NT5DC3: variants seen among roughly 807,000 people sequenced by gnomAD.
NT5DC3 encodes 5'-nucleotidase domain-containing protein 3.
In NT5DC3, 42 loss-of-function variants were observed where a neutral mutation model predicts 67.8. The ratio of observed to expected loss-of-function variants is 0.62; its 90% CI spans 0.48 to 0.80. The LOEUF is 0.80. Ranked by LOEUF, NT5DC3 falls within the 30% of genes least tolerant of loss-of-function variation. The pLI is 0.00. For missense variants in NT5DC3, 570 were observed against 696.4 expected (o/e 0.82, Z 2.04); for synonymous variants, 237 against 255.6 (o/e 0.93, Z 0.69).
At chr12:103,757,012 T>A in the NT5DC3 span, among the ~76,000 whole-genome samples, 74,808 of 140,562 alleles carry the variant, frequency 0.53, 20,492 homozygotes, top group South Asian at 0.73. Context: ...TATATATATA[T>A]ATATATATAT....
chr12:103,807,527 T>C (rs1292759313), intron 2 of NT5DC3, among the ~76,000 whole-genome samples: 1 of 152,240 alleles, frequency 6.6e-6, no homozygotes, highest in Admixed American at 6.5e-5. Context: ...TCTGGATAGC[T>C]GGCCACTGCC....
intron 1 of NT5DC3, among the ~76,000 whole-genome samples, chr12:103,827,137 C>A (rs2033774): frequency 0.22 from 33,616 of 151,950 alleles, 4,267 homozygotes; most frequent in South Asian, 0.44. Flanking sequence ...CCCAGCTACT[C>A]GGGAAGCTGA....
At chr12:103,800,910 T>A (rs1593406376) in intron 4 of NT5DC3, among the ~76,000 whole-genome samples, 1 of 152,290 alleles carries the variant, frequency 6.6e-6, no homozygotes, top group East Asian at 1.9e-4. Flanking sequence ...AAGTGCCTAT[T>A]TCCTGATGTC....
chr12:103,829,099 C>A (rs1028320874), intron 1 of NT5DC3, among the ~76,000 whole-genome samples: 1 of 152,180 alleles, frequency 6.6e-6, no homozygotes, highest in Non-Finnish European at 1.5e-5. Context: ...TTGGTATATG[C>A]CTGCAATACT....
chr12:103,746,967 T>C, the NT5DC3 span, among the ~76,000 whole-genome samples: 1 of 149,976 alleles, frequency 6.7e-6, no homozygotes, highest in East Asian at 1.9e-4. Context: ...TTTTTTTTTT[T>C]TTTTCCGAGA....
chr12:103,750,487 C>T, the NT5DC3 span: 1 of 1,535,638 alleles, frequency 6.5e-7, no homozygotes. Flanking sequence ...ATCTGAACAC[C>T]TCCTAGGCTG....
the NT5DC3 span, among the ~76,000 whole-genome samples, chr12:103,763,142 T>C: frequency 6.6e-6 from 1 of 152,186 alleles, no homozygotes; most frequent in Non-Finnish European, 1.5e-5. Flanking sequence ...TGCATTTATA[T>C]TAAGTTAAAG....
intron 2 of NT5DC3, among the ~76,000 whole-genome samples, chr12:103,811,883 A>G (rs1593419387): frequency 1.3e-5 from 2 of 152,210 alleles, no homozygotes; most frequent in East Asian, 3.9e-4. Flanking sequence ...AGAGCATAGC[A>G]TTTGCTGAGA....
At chr12:103,781,826 C>A (rs1308479575) in intron 12 of NT5DC3, among the ~76,000 whole-genome samples, 8 of 152,200 alleles carry the variant, frequency 5.3e-5, no homozygotes, top group African/African-American at 1.9e-4. Flanking sequence ...CGAAGCCCCA[C>A]AGAGAACTGA....
chr12:103,793,617 A>G, intron 7 of NT5DC3, 105 bp from the exon 8 acceptor site: 1 of 743,876 alleles, frequency 1.3e-6, no homozygotes, highest in Non-Finnish European at 2.3e-6. Context: ...TAGGCACAGG[A>G]AAGGGAATAA....
intron 4 of NT5DC3, among the ~76,000 whole-genome samples, chr12:103,799,312 A>G (rs1886459072): frequency 6.6e-6 from 1 of 152,168 alleles, no homozygotes; most frequent in South Asian, 2.1e-4. Context: ...CTTGAATTGT[A>G]GCTCCTATAA....
chr12:103,774,970 C>T lies in NT5DC3; in HGVS notation c.*2859G>A. On this transcript the variant is annotated 3_prime_UTR_variant, in exon 14 of 14. Coordinates refer to ENST00000392876, the MANE Select transcript of NT5DC3 (RefSeq NM_001031701.3). ...AGGTTGCAGTGAGCCGAGATCACAC[C>T]ACTGCACTCCAGAATGGGCAACAGA... 1 of 150,192 alleles carries T rather than the reference C, an allele frequency of 6.7e-6. No individual in the cohort carries two copies. The highest frequency in any genetic ancestry group is 1.5e-5 in the Non-Finnish European group (1 of 67,900). 9.3% of individuals were successfully genotyped at this position (150,192 alleles called of 1,614,324 possible).
At position 103,777,785 on chromosome 12, in the gene NT5DC3, C is replaced by G. The variant is rs910899527; in HGVS notation, c.*44G>C. 2 of 1,574,656 alleles carry G rather than the reference C, an allele frequency of 1.3e-6. No homozygotes were observed. Among genetic ancestry groups the G allele is most frequent in the Admixed American group, 3.7e-5 (2 of 54,522 alleles). On this transcript the variant is annotated 3_prime_UTR_variant, in exon 14 of 14. Coordinates refer to ENST00000392876, the MANE Select transcript of NT5DC3 (RefSeq NM_001031701.3). Reference sequence around the variant, plus strand: ...CCACATGAAGTCAACCCCATCATGCCTGCCCAATCAGGGGCAGTTACAGTT... The same window carrying G: ...CCACATGAAGTCAACCCCATCATGCGTGCCCAATCAGGGGCAGTTACAGTT...
At chr12:103,759,883 A>C in the NT5DC3 span, among the ~76,000 whole-genome samples, 1 of 152,252 alleles carries the variant, frequency 6.6e-6, no homozygotes, top group African/African-American at 2.4e-5. Context: ...CATATGGAGA[A>C]TAGAGACCCA....
At chr12:103,753,275 C>A in the NT5DC3 span, 2 of 1,614,248 alleles carry the variant, frequency 1.2e-6, no homozygotes, top group Non-Finnish European at 1.7e-6. Flanking sequence ...ATAAGCTGAC[C>A]TTTGACAAAG....
chr12:103,756,998 T>C, the NT5DC3 span, among the ~76,000 whole-genome samples: 1 of 14,508 alleles, frequency 6.9e-5, no homozygotes, highest in Non-Finnish European at 1.4e-4. Flanking sequence ...GGAGGGAAAA[T>C]ATATATATAT....
intron 1 of NT5DC3, among the ~76,000 whole-genome samples, chr12:103,827,945 C>T (rs577010948): frequency 3.9e-5 from 6 of 152,254 alleles, no homozygotes; most frequent in Admixed American, 1.3e-4. Flanking sequence ...AAACTGAACA[C>T]GAATTAACTT....
chr12:103,761,421 A>G, the NT5DC3 span: 1 of 1,611,818 alleles, frequency 6.2e-7, no homozygotes, highest in Non-Finnish European at 8.5e-7. Context: ...GTGAGTATCT[A>G]GGGTCCCTGA....
chr12:103,755,223 G>A, the NT5DC3 span: 2 of 1,558,868 alleles, frequency 1.3e-6, no homozygotes, highest in East Asian at 2.3e-5. Context: ...TGGCCTAATA[G>A]GGGAATCAGA....
Sources: gnomAD v4.1 joint callset for allele counts (sites outside exome capture counted in the v4.1 genomes callset) on GRCh38, gnomAD v4.1.1 for gene constraint, MANE v1.5 for transcripts, NCBI Gene and HGNC (gene_info 2026-07-23, HGNC 2026-07-21) for gene names.